HECTD2: variants seen among roughly 807,000 people sequenced by gnomAD.
The protein encoded by HECTD2 is HECT domain E3 ubiquitin protein ligase 2.
In HECTD2, 35 loss-of-function variants were observed where a neutral mutation model predicts 103.2. That is an observed-to-expected ratio of 0.34 (90% confidence interval 0.26 to 0.45). HECTD2 has a LOEUF of 0.45. HECTD2 is among the 20% of genes least tolerant of loss of function. The pLI, the probability that HECTD2 is intolerant of heterozygous loss-of-function variation, is 1.00. For synonymous variants in HECTD2, 281 were observed against 329.9 expected, an observed-to-expected ratio of 0.85 and a Z score of 1.61; for missense variants, 596 against 937.4, an observed-to-expected ratio of 0.64 and a Z score of 4.76.
At chr10:91,436,423 T>G (rs944819982) in intron 2 of HECTD2, among the ~76,000 whole-genome samples, 1 of 151,940 alleles carries the variant, frequency 6.6e-6, no homozygotes, top group Non-Finnish European at 1.5e-5. Flanking sequence ...AGGGGCAGGG[T>G]AAGTATTCTG....
chr10:91,470,800 A>AC (rs912088972), intron 5 of HECTD2, among the ~76,000 whole-genome samples: 1 of 152,042 alleles, frequency 6.6e-6, no homozygotes, highest in Non-Finnish European at 1.5e-5. Flanking sequence ...CAGCTTACCA[A>AC]CCCCAAAAAA....
chr10:91,411,677 A>G (rs1049424819), intron 1 of HECTD2, among the ~76,000 whole-genome samples: 3 of 152,240 alleles, frequency 2.0e-5, no homozygotes, highest in Admixed American at 6.5e-5. Flanking sequence ...TGTTAAAACA[A>G]GCTCTTTAAA....
chr10:91,473,707 G>A (rs1203831213), intron 5 of HECTD2, among the ~76,000 whole-genome samples: 2 of 152,000 alleles, frequency 1.3e-5, no homozygotes, highest in African/African-American at 4.8e-5. Flanking sequence ...TTAATAAACA[G>A]TAGATATATT....
At chr10:91,468,585 A>G (rs957112213) in intron 5 of HECTD2, among the ~76,000 whole-genome samples, 1 of 152,180 alleles carries the variant, frequency 6.6e-6, no homozygotes, top group Non-Finnish European at 1.5e-5. Flanking sequence ...AGTAGAATTC[A>G]GAATATGGAT....
intron 2 of HECTD2, among the ~76,000 whole-genome samples, chr10:91,451,018 C>G (rs1168712527): frequency 6.6e-6 from 1 of 150,706 alleles, no homozygotes; most frequent in Non-Finnish European, 1.5e-5. Flanking sequence ...TGGGTTTTAT[C>G]CTTTTACCAC....
At chr10:91,425,205 A>G (rs1843510724) in intron 1 of HECTD2, 76 bp from the exon 2 acceptor site, 3 of 1,142,544 alleles carry the variant, frequency 2.6e-6, no homozygotes, top group East Asian at 5.7e-5. Flanking sequence ...TCTCTTATAA[A>G]TGTTTGTGAT....
chr10:91,503,499 T>A (rs1236516502), intron 20 of HECTD2, among the ~76,000 whole-genome samples: 1 of 152,078 alleles, frequency 6.6e-6, no homozygotes, highest in African/African-American at 2.4e-5. Flanking sequence ...CCTTTCCTAA[T>A]CAAAGAAAGG....
intron 11 of HECTD2, chr10:91,488,749 AT>A (rs2133305673): frequency 6.6e-6 from 1 of 152,284 alleles, no homozygotes; most frequent in African/African-American, 2.4e-5. Context: ...AGGACAAAAG[AT>A]TTGAGTAACT....
rs1006637154 is a variant in HECTD2 at position 91,514,426 on chromosome 10, G to T, written c.*2042G>T. The stretch of plus-strand genomic sequence containing the variant: ...CTTTATTTATTTGTGCTCTGTTTTT[G>T]GTTTACAGTGTAATAATACCTCATT... On this transcript the variant is annotated 3_prime_UTR_variant, in exon 21 of 21. Coordinates refer to ENST00000298068, the MANE Select transcript of HECTD2 (RefSeq NM_182765.6). 2 of 152,326 alleles carry T rather than the reference G, an allele frequency of 1.3e-5. No individual in the cohort carries two copies. Among genetic ancestry groups the T allele is most frequent in the East Asian group, 1.9e-4 (1 of 5,198 alleles). 9.4% of individuals were successfully genotyped at this position (152,326 alleles called of 1,614,324 possible).
intron 1 of HECTD2, among the ~76,000 whole-genome samples, chr10:91,420,819 T>A (rs1843329814): frequency 6.6e-6 from 1 of 152,174 alleles, no homozygotes; most frequent in Non-Finnish European, 1.5e-5. Flanking sequence ...TCAATGTCCA[T>A]CATGCCAAGC....
chr10:91,503,927 T>A (rs979953425), intron 20 of HECTD2, among the ~76,000 whole-genome samples: 2 of 152,160 alleles, frequency 1.3e-5, no homozygotes, highest in African/African-American at 2.4e-5. Flanking sequence ...CAGCTGGAGA[T>A]CTGAGAACAG....
Position 91,484,619 on chromosome 10 carries a change from T to C in HECTD2, c.934T>C (p.Trp312Arg). The C allele has an allele frequency of 3.7e-6, 6 of 1,611,780 alleles. No homozygotes were observed. Among genetic ancestry groups the C allele is most frequent in the Non-Finnish European group, 5.1e-6 (6 of 1,178,956 alleles). ...TCCACCTATAACAAAGTGTTCCTGG[T>C]GGATTCCATCAGCCGCTAAAGTGTT... is the stretch of plus-strand genomic sequence containing the variant. Reference protein sequence around the residue: ...EFPPITKCSWWIPSAAKVLAL... With the variant: ...EFPPITKCSWRIPSAAKVLAL... Residue 312 changes from tryptophan to arginine, a missense_variant, in exon 9 of 21, where the codon TGG (tryptophan) becomes CGG (arginine). By Grantham distance (101) the Trp-to-Arg change is moderately radical. Transcript: ENST00000298068.
At chr10:91,483,102 CT>C (rs756019465) in intron 8 of HECTD2, 26 bp downstream of exon 8, 1 of 978,306 alleles carries the variant, frequency 1.0e-6, no homozygotes, top group Non-Finnish European at 1.6e-6. Context: ...ATATTAAGAA[CT>C]TTTATAGTCT....
At chr10:91,504,032 T>G (rs1366626747) in intron 20 of HECTD2, among the ~76,000 whole-genome samples, 1 of 152,000 alleles carries the variant, frequency 6.6e-6, no homozygotes, top group Non-Finnish European at 1.5e-5. Context: ...CACCTCACAC[T>G]GCAGGGTACT....
chr10:91,493,945 G>T (rs1334983012), intron 14 of HECTD2, among the ~76,000 whole-genome samples: 2 of 151,946 alleles, frequency 1.3e-5, no homozygotes, highest in African/African-American at 4.8e-5. Flanking sequence ...CATAAAGGAA[G>T]CATCCATAAA....
At chr10:91,438,907 C>T (rs181402837) in intron 2 of HECTD2, among the ~76,000 whole-genome samples, 1 of 152,014 alleles carries the variant, frequency 6.6e-6, no homozygotes, top group Non-Finnish European at 1.5e-5. Context: ...TATCCTTTGC[C>T]CACTTTTTGA....
At chr10:91,489,596 T>C (rs1439271076) in intron 11 of HECTD2, 3 of 152,180 alleles carry the variant, frequency 2.0e-5, no homozygotes, top group African/African-American at 7.2e-5. Flanking sequence ...TTATTAGTTA[T>C]TTCCAATGTG....
At chr10:91,455,749 A>G (rs1845058320) in intron 2 of HECTD2, among the ~76,000 whole-genome samples, 2 of 152,186 alleles carry the variant, frequency 1.3e-5, no homozygotes, top group African/African-American at 4.8e-5. Flanking sequence ...TAATTTTTGT[A>G]TAAGGTGAAA....
chr10:91,487,938 C>A lies in HECTD2; in HGVS notation c.1191+160C>A. On this transcript the variant is annotated intron_variant, in intron 11 of 20. Transcript: ENST00000298068. The surrounding 1 kb of genome is among the most constrained non-coding windows in gnomAD (Gnocchi z 4.1). ...CCAAAAAGTGCTTAAAAACTATTTA[C>A]AATTTGGGAGACAAGATAACTCTCA... is the stretch of plus-strand genomic sequence containing the variant. The A allele has an allele frequency of 2.1e-6, 1 of 470,536 alleles. No individual in the cohort carries two copies. Among genetic ancestry groups the A allele is most frequent in the Non-Finnish European group, 3.8e-6 (1 of 262,170 alleles). The allele number at this position is 470,536 out of a possible 1,614,324, so 29.1% of individuals were successfully genotyped here. A position where few individuals can be genotyped will look rare whatever the true frequency, so the allele number is the denominator to read the frequency against.
Sources: gnomAD v4.1 joint callset for allele counts (sites outside exome capture counted in the v4.1 genomes callset) on GRCh38, gnomAD v4.1.1 for gene constraint, Gnocchi (gnomAD v3.1) non-coding constraint, MANE v1.5 for transcripts, NCBI Gene and HGNC (gene_info 2026-07-23, HGNC 2026-07-21) for gene names.